The following AFF3 variants were observed in gnomAD, a reference collection of about 807,000 sequenced individuals.
The protein encoded by AFF3 is AF4/FMR2 family member 3.
Under a neutral mutation model 129.7 loss-of-function variants are expected in AFF3, and 32 were observed. The ratio of observed to expected loss-of-function variants is 0.25; its 90% CI spans 0.19 to 0.33. AFF3 has a LOEUF of 0.33. Ranked by LOEUF, AFF3 falls within the 10% of genes least tolerant of loss-of-function variation. AFF3 has a pLI of 1.00. For missense variants in AFF3, 1,373 were observed against 1,592.0 expected, an observed-to-expected ratio of 0.86 and a Z score of 2.34; for synonymous variants, 644 against 635.4, an observed-to-expected ratio of 1.01 and a Z score of -0.20.
chr2:100,033,272 A>T (rs934915799), intron 4 of AFF3, among the ~76,000 whole-genome samples: 5 of 151,708 alleles, frequency 3.3e-5, no homozygotes, highest in South Asian at 2.1e-4. Flanking sequence ...CCTCATTATT[A>T]AAAAAAATTA....
At chr2:100,131,776 T>TTAGATGGC (rs1428750025) in intron 1 of AFF3, among the ~76,000 whole-genome samples, 6 of 152,230 alleles carry the variant, frequency 3.9e-5, no homozygotes, top group Non-Finnish European at 8.8e-5. Context: ...CTGTGTGTCA[T>TTAGATGGC]ACATGGCATT....
Position 100,011,591 on chromosome 2 carries a change from C to T in AFF3, c.54-2659G>A, listed in dbSNP as rs190954894. On this transcript the variant is annotated intron_variant, in intron 4 of 24. Transcript: ENST00000672756. ...TCACCCCTGCAAGAAATATAAACAC[C>T]ACAAGAAGCTGAAACACTTTAAACC... The T allele has an allele frequency of 1.7e-4, 131 of 780,774 alleles. 1 individual carries two copies. In the East Asian group the frequency reaches 3.1e-3, roughly 18 times the overall value. 48.4% of individuals were successfully genotyped at this position (780,774 alleles called of 1,614,324 possible).
chr2:99,824,235 C>CTGTAAT (rs1348170875), intron 8 of AFF3, among the ~76,000 whole-genome samples: 1 of 152,032 alleles, frequency 6.6e-6, no homozygotes, highest in Non-Finnish European at 1.5e-5. Flanking sequence ...CCTGCCTCAG[C>CTGTAAT]CTCCCCAGTA....
At position 99,593,936 on chromosome 2, in the gene AFF3, C is replaced by A; in HGVS notation, c.1725G>T (p.Ala575=). 7.1e-7 allele frequency: 1 copy of A among 1,410,248 alleles called. No individual in the cohort carries two copies. The highest frequency in any genetic ancestry group is 1.5e-5 in the African/African-American group (1 of 66,342). 87.4% of individuals were successfully genotyped at this position (1,410,248 alleles called of 1,614,324 possible). A position where few individuals can be genotyped will look rare whatever the true frequency, so the allele number is the denominator to read the frequency against. The change falls in exon 15 of 25, where the codon GCG becomes GCT. Residue 575 remains alanine (A), a synonymous_variant. Transcript: ENST00000672756. ...CCGCGGACCTCCGGGCAGGCGCGGG[C>A]GCGTTCTCCGCGGGCGCACAGGGCA... ...PAVPCAPAEN[A]PAPARRSAGK...
chr2:99,597,940 T>G (rs1157034213), intron 14 of AFF3, among the ~76,000 whole-genome samples: 1 of 152,258 alleles, frequency 6.6e-6, no homozygotes, highest in East Asian at 1.9e-4. Context: ...CCCGCTGCCA[T>G]GGACCTCGTA....
chr2:100,046,586 G>T (rs1685853692), intron 4 of AFF3, among the ~76,000 whole-genome samples: 1 of 152,308 alleles, frequency 6.6e-6, no homozygotes, highest in African/African-American at 2.4e-5. Flanking sequence ...TGCAAGGGAA[G>T]GATTCTATTT....
At chr2:99,735,677 G>C (rs1680195380) in intron 10 of AFF3, among the ~76,000 whole-genome samples, 1 of 152,092 alleles carries the variant, frequency 6.6e-6, no homozygotes, top group African/African-American at 2.4e-5. Flanking sequence ...ATTTTTAGTA[G>C]AGATGGGGTT....
At chr2:99,988,029 C>T (rs1680017441) in intron 7 of AFF3, among the ~76,000 whole-genome samples, 2 of 152,024 alleles carry the variant, frequency 1.3e-5, no homozygotes, top group African/African-American at 4.8e-5. Flanking sequence ...CCTCCAGGAG[C>T]ACGCAGAACA....
At chr2:99,804,410 G>A (rs1022726576) in intron 8 of AFF3, among the ~76,000 whole-genome samples, 2 of 152,162 alleles carry the variant, frequency 1.3e-5, no homozygotes, top group Non-Finnish European at 2.9e-5. Context: ...AGCCAGAATG[G>A]CAGTTATTAA....
At chr2:100,021,334 G>A (rs1683579627) in intron 4 of AFF3, among the ~76,000 whole-genome samples, 1 of 152,216 alleles carries the variant, frequency 6.6e-6, no homozygotes. Context: ...ACGCAACCTG[G>A]TTCTCCTTTT....
intron 15 of AFF3, among the ~76,000 whole-genome samples, chr2:99,591,858 G>C (rs1028312466): frequency 1.3e-5 from 2 of 152,190 alleles, no homozygotes; most frequent in African/African-American, 4.8e-5. Context: ...TAGGCTCTCT[G>C]AGCCTCTGTT....
In AFF3 at chr2:99,593,865, C is replaced by G. The variant is rs766457790; in HGVS notation, c.1796G>C (p.Gly599Ala). The G allele has an allele frequency of 3.8e-6, 6 of 1,570,096 alleles. No homozygotes were observed. Among genetic ancestry groups the G allele is most frequent in the Non-Finnish European group, 5.2e-6 (6 of 1,162,736 alleles). The change falls in exon 15 of 25, where the codon GGC becomes GCC. Residue 599 changes from glycine (G) to alanine (A), a missense_variant. Around this residue, in one of 9 missense-constraint regions of AFF3, gnomAD observed 466 missense variants for 505.0 expected, o/e 0.92. Coordinates refer to ENST00000672756, the MANE Select transcript of AFF3 (RefSeq NM_001386135.1). ...RRTERTSAGD[G>A]ANCHRPEEPA... is the part of the protein sequence containing the mutation. ...CTCCTCGGGCCGGTGGCAGTTGGCG[C>G]CGTCCCCGGCTGAGGTCCTCTCGGT... is the stretch of plus-strand genomic sequence containing the variant.
chr2:99,997,814 T>C (rs1457803759), intron 7 of AFF3, among the ~76,000 whole-genome samples: 1 of 152,214 alleles, frequency 6.6e-6, no homozygotes, highest in Admixed American at 6.5e-5. Context: ...CCACCTGGCA[T>C]GTGCCTTCTC....
At chr2:99,772,322 G>A (rs1683557652) in intron 8 of AFF3, among the ~76,000 whole-genome samples, 1 of 152,174 alleles carries the variant, frequency 6.6e-6, no homozygotes, top group African/African-American at 2.4e-5. Flanking sequence ...AGTCCTGTGA[G>A]AAGAACTGTG....
intron 10 of AFF3, among the ~76,000 whole-genome samples, chr2:99,743,129 G>A (rs1361297705): frequency 2.7e-5 from 2 of 74,320 alleles, no homozygotes; most frequent in Non-Finnish European, 6.5e-5. Flanking sequence ...TTGCCTCATC[G>A]CTGGTGCCTG....
chr2:100,004,430 T>C (rs1337607538), intron 7 of AFF3, among the ~76,000 whole-genome samples: 6 of 152,158 alleles, frequency 3.9e-5, no homozygotes, highest in African/African-American at 4.8e-5. Flanking sequence ...TCAGCTTCTA[T>C]GTTATGATTG....
At position 99,838,886 on chromosome 2, in the gene AFF3, C is replaced by T. The variant is rs80253796; in HGVS notation, c.874-1362G>A. Among the ~76,000 whole-genome samples the T allele has an allele frequency of 3.3e-5, 5 of 152,358 alleles. 1 individual carries two copies. Among genetic ancestry groups the T allele is most frequent in the African/African-American group, 1.2e-4 (5 of 41,590 alleles). On this transcript the variant is annotated intron_variant, in intron 7 of 24. Transcript: ENST00000672756. ...TCTCCATGCCCTGTGTCTGCCAGCT[C>T]ATTCCTTGTCCTGGGGTAGAGCATT...
At chr2:99,814,118 G>A (rs1225200292) in intron 8 of AFF3, among the ~76,000 whole-genome samples, 1 of 152,082 alleles carries the variant, frequency 6.6e-6, no homozygotes, top group Non-Finnish European at 1.5e-5. Flanking sequence ...ACTTTCTTGG[G>A]GGAAAGTTGC....
At chr2:99,655,259 C>T (rs964379127) in intron 12 of AFF3, among the ~76,000 whole-genome samples, 2 of 125,192 alleles carry the variant, frequency 1.6e-5, no homozygotes, top group Non-Finnish European at 3.5e-5. Flanking sequence ...CACACACACA[C>T]ACACACAGCA....
Sources: gnomAD v4.1 joint callset for allele counts (sites outside exome capture counted in the v4.1 genomes callset) on GRCh38, gnomAD v4.1.1 for gene constraint, gnomAD v4.1.1 regional missense constraint, MANE v1.5 for transcripts, NCBI Gene and HGNC (gene_info 2026-07-23, HGNC 2026-07-21) for gene names.